Variants in CACNA1D observed in about 807,000 individuals in gnomAD.
CACNA1D encodes the protein voltage-dependent L-type calcium channel subunit alpha-1D.
In CACNA1D, 55 loss-of-function variants were observed where a neutral mutation model predicts 257.1. The observed-to-expected ratio is 0.21, with a 90% CI of 0.17 to 0.27. The LOEUF (loss-of-function observed/expected upper bound fraction) is 0.27. Among genes scored for constraint, CACNA1D ranks in the 10% least tolerant of loss-of-function variants. CACNA1D has a pLI of 1.00. For missense variants in CACNA1D, 1,876 were observed against 2,784.0 expected (o/e 0.67, Z 7.34); for synonymous variants, 980 against 1,014.9 (o/e 0.97, Z 0.65).
intron 3 of CACNA1D, among the ~76,000 whole-genome samples, chr3:53,544,014 T>G (rs1274824081): frequency 1.3e-5 from 2 of 152,242 alleles, no homozygotes; most frequent in Non-Finnish European, 2.9e-5. Context: ...TTCTGATTTA[T>G]TTTTATATCC....
intron 3 of CACNA1D, among the ~76,000 whole-genome samples, chr3:53,530,679 G>T (rs188694136): frequency 1.3e-5 from 2 of 152,194 alleles, no homozygotes; most frequent in Admixed American, 1.3e-4. Context: ...CCATGGGGTG[G>T]TGTGCATGTT....
chr3:53,628,580 A>G (rs1487304763), intron 3 of CACNA1D, among the ~76,000 whole-genome samples: 1 of 152,208 alleles, frequency 6.6e-6, no homozygotes, highest in Non-Finnish European at 1.5e-5. Context: ...TGAAGCTGCT[A>G]TGGGAATAAT....
chr3:53,744,024 C>A (rs2095142822), intron 22 of CACNA1D, among the ~76,000 whole-genome samples: 1 of 152,202 alleles, frequency 6.6e-6, no homozygotes, highest in Non-Finnish European at 1.5e-5. Context: ...AAGCTGCAGC[C>A]TTGCCCACTT....
chr3:53,776,753 T>A, intron 36 of CACNA1D, 23 bp downstream of exon 36: 1 of 1,614,224 alleles, frequency 6.2e-7, no homozygotes. Context: ...ATATTTGATT[T>A]GGCGTGTGTG....
intron 9 of CACNA1D, among the ~76,000 whole-genome samples, chr3:53,712,388 A>T (rs2108646099): frequency 6.6e-6 from 1 of 152,140 alleles, no homozygotes; most frequent in East Asian, 1.9e-4. Flanking sequence ...ACACGCGGAG[A>T]TAGTTATTGT....
chr3:53,583,203 G>C (rs556775201), intron 3 of CACNA1D, among the ~76,000 whole-genome samples: 55 of 151,730 alleles, frequency 3.6e-4, no homozygotes, highest in Admixed American at 5.3e-4. Context: ...ATATAAATTT[G>C]CATGTGTGCT....
intron 9 of CACNA1D, among the ~76,000 whole-genome samples, chr3:53,717,037 A>G (rs3774548): frequency 0.59 from 89,300 of 152,120 alleles, 26,715 homozygotes; most frequent in East Asian, 0.74. Context: ...CTTCCAGCCC[A>G]CTACCAGTAT....
chr3:53,808,858 G>GGC, intron 46 of CACNA1D, 88 bp downstream of exon 46: 1 of 1,365,830 alleles, frequency 7.3e-7, no homozygotes, highest in Non-Finnish European at 1.0e-6. Context: ...TTGGCCTTAA[G>GGC]CACCAGGAGG....
intron 45 of CACNA1D, among the ~76,000 whole-genome samples, chr3:53,807,151 T>C (rs1482574868): frequency 2.6e-5 from 4 of 152,238 alleles, no homozygotes; most frequent in Non-Finnish European, 5.9e-5. Context: ...CATGAGATGG[T>C]GGGGATCCCT....
At chr3:53,689,247 C>A (rs2094498889) in intron 8 of CACNA1D, among the ~76,000 whole-genome samples, 1 of 151,820 alleles carries the variant, frequency 6.6e-6, no homozygotes. Context: ...CTGTCGGAAC[C>A]AGTGAGTGCA....
At chr3:53,508,610 A>C (rs1405002218) in intron 3 of CACNA1D, among the ~76,000 whole-genome samples, 1 of 152,184 alleles carries the variant, frequency 6.6e-6, no homozygotes, top group Non-Finnish European at 1.5e-5. Context: ...TCGGCATTTT[A>C]ACAATGATTG....
chr3:53,648,448 C>T (rs2094046456), intron 3 of CACNA1D, among the ~76,000 whole-genome samples: 4 of 152,144 alleles, frequency 2.6e-5, no homozygotes. Context: ...TCATTGAGGC[C>T]TTCCTGTATC....
In CACNA1D at chr3:53,800,077, A is replaced by G. The variant is rs113303536; in HGVS notation, c.4924-172A>G. The stretch of plus-strand genomic sequence containing the variant: ...ACCTTCTTGACCCTCTGGATGCCTG[A>G]CCATACCAACAACCCTTAGACTGCC... On this transcript the variant is annotated intron_variant, in intron 40 of 47. Coordinates refer to ENST00000350061, the MANE Select transcript of CACNA1D (RefSeq NM_001128840.3). The surrounding 1 kb of genome is among the most constrained non-coding windows in gnomAD (Gnocchi z 4.3). 5.3e-5 allele frequency: 38 copies of G among 719,786 alleles called. No homozygotes were observed. The African/African-American group carries it at 5.7e-4, about 11-fold the overall frequency. 44.6% of individuals were successfully genotyped at this position (719,786 alleles called of 1,614,324 possible). A position where few individuals can be genotyped will look rare whatever the true frequency, so the allele number is the denominator to read the frequency against.
chr3:53,579,273 G>C (rs2093091123), intron 3 of CACNA1D, among the ~76,000 whole-genome samples: 1 of 152,244 alleles, frequency 6.6e-6, no homozygotes, highest in Non-Finnish European at 1.5e-5. Context: ...GAATCAAACA[G>C]ATGGACGGAG....
At chr3:53,577,729 T>C (rs1358589494) in intron 3 of CACNA1D, among the ~76,000 whole-genome samples, 1 of 152,138 alleles carries the variant, frequency 6.6e-6, no homozygotes, top group African/African-American at 2.4e-5. Context: ...GTGAGGGCTG[T>C]GAGGCAATGC....
intron 46 of CACNA1D, 24 bp downstream of exon 46, chr3:53,808,794 C>A: frequency 6.2e-7 from 1 of 1,603,326 alleles, no homozygotes; most frequent in Non-Finnish European, 8.5e-7. Context: ...CTGGCCTTGC[C>A]CCCACACCTA....
rs2093781655 is a variant in CACNA1D at position 53,628,184 on chromosome 3, A to G, written c.484-22595A>G. On this transcript the variant is annotated intron_variant, in intron 3 of 47. Coordinates refer to ENST00000350061, the MANE Select transcript of CACNA1D (RefSeq NM_001128840.3). ...CATAACCCACACTACTATACCTTAGATACACACATAAGCACAAGTGTCAGA... is the reference window on the plus strand; with the variant it reads ...CATAACCCACACTACTATACCTTAGGTACACACATAAGCACAAGTGTCAGA... Among the ~76,000 whole-genome samples the G allele has an allele frequency of 2.0e-5, 3 of 152,188 alleles. No individual in the cohort carries two copies. In the South Asian group the frequency reaches 6.2e-4, roughly 32 times the overall value.
intron 7 of CACNA1D, among the ~76,000 whole-genome samples, chr3:53,671,634 T>A (rs1477919339): frequency 6.6e-6 from 1 of 152,250 alleles, no homozygotes; most frequent in Admixed American, 6.5e-5. Context: ...TGCAGACTGA[T>A]ATGAGTTCTA....
At chr3:53,702,902 G>T in intron 9 of CACNA1D, 92 bp downstream of exon 9, 6 of 1,393,706 alleles carry the variant, frequency 4.3e-6, no homozygotes, top group Non-Finnish European at 6.0e-6. Context: ...GACCCAGGCT[G>T]TGAGTGGGAC....
Sources: allele counts gnomAD v4.1 joint callset (sites outside exome capture counted in the v4.1 genomes callset), GRCh38; gene constraint gnomAD v4.1.1; non-coding constraint Gnocchi (gnomAD v3.1); transcripts MANE v1.5; gene names NCBI Gene and HGNC (gene_info 2026-07-23, HGNC 2026-07-21).